The following NOMO1 variants were observed in gnomAD, a reference collection of about 807,000 sequenced individuals.
NOMO1 encodes the protein NODAL modulator 1, also known as nodal modulator 3.
Under a neutral mutation model 133.8 loss-of-function variants are expected in NOMO1, and 40 were observed. The ratio of observed to expected loss-of-function variants is 0.30; its 90% CI spans 0.23 to 0.39. NOMO1 has a LOEUF of 0.39. NOMO1 is among the 10% of genes least tolerant of loss of function. NOMO1 has a pLI of 1.00. For synonymous variants in NOMO1, 236 were observed against 570.5 expected, an observed-to-expected ratio of 0.41 and a Z score of 8.36; for missense variants, 462 against 1,419.9, an observed-to-expected ratio of 0.33 and a Z score of 10.84.
rs1410037200 is a variant in NOMO1 at position 14,895,897 on chromosome 16, T to C, written c.*252T>C. Reference sequence around the variant, plus strand: ...AACAGAATTTATTTTCTGAGTCAAATATAATTTATTATTATTTTTGTCAAA... The same window carrying C: ...AACAGAATTTATTTTCTGAGTCAAACATAATTTATTATTATTTTTGTCAAA... On this transcript the variant is annotated 3_prime_UTR_variant, in exon 31 of 31. Coordinates refer to ENST00000287667, the MANE Select transcript of NOMO1 (RefSeq NM_014287.4). 2.9e-5 allele frequency: 45 copies of C among 1,569,056 alleles called. No individual in the cohort carries two copies. Among genetic ancestry groups the C allele is most frequent in the Middle Eastern group, 4.6e-4 (2 of 4,310 alleles).
In NOMO1 at chr16:14,895,632, C is replaced by A. The variant is rs537491797; in HGVS notation, c.3656C>A (p.Thr1219Lys). The change falls in exon 31 of 31, where the codon ACA (threonine) becomes AAA (lysine). Residue 1219 changes from threonine to lysine, a missense_variant. Physicochemically the swap from Thr to Lys is moderately conservative, Grantham distance 78. Transcript: ENST00000287667. ...AAGAGACAAGCCAAGAAACAGAAGA[C>A]AAGGCGGACTTGAGGAGGAAGGGGA... ...DAKRQAKKQK[T>K]RRT 6.2e-7 allele frequency: 1 copy of A among 1,611,914 alleles called. No homozygotes were observed. Among genetic ancestry groups the A allele is most frequent in the African/African-American group, 1.3e-5 (1 of 74,828 alleles).
intron 15 of NOMO1, 122 bp downstream of exon 15, chr16:14,866,813 A>G: frequency 6.3e-7 from 1 of 1,599,318 alleles, no homozygotes; most frequent in Non-Finnish European, 8.5e-7. Flanking sequence ...CTGCCTCTCC[A>G]CTCGCCCACC....
At position 14,876,719 on chromosome 16, in the gene NOMO1, T is replaced by C; in HGVS notation, c.2572T>C (p.Tyr858His). The C allele has an allele frequency of 6.2e-7, 1 of 1,610,896 alleles. No individual in the cohort carries two copies. Among genetic ancestry groups the C allele is most frequent in the South Asian group, 1.1e-5 (1 of 90,932 alleles). ...CACGGTGACCTCACAGAAGGAGGGC[T>C]ATGTTCTGACTGCGGTGGAAGGAAC... ...EYTVTSQKEG[Y>H]VLTAVEGTIG... Residue 858 changes from tyrosine (Y) to histidine (H), a missense_variant, in exon 22 of 31, where the codon TAT (tyrosine) becomes CAT (histidine). Tyr to His is a moderately conservative substitution (Grantham distance 83). Coordinates refer to ENST00000287667, the MANE Select transcript of NOMO1 (RefSeq NM_014287.4).
rs201341141 is a variant in NOMO1 at position 14,857,599 on chromosome 16, G to A, written c.1164G>A (p.Thr388=). ...AGAAAGAGCACCTCTACTTTGAAAC[G>A]GTCACCATCAAAATTGCACCGAACA... is the stretch of plus-strand genomic sequence containing the variant. The part of the protein sequence containing the change: ...HAQKEHLYFE[T]VTIKIAPNTP... The change falls in exon 11 of 31, where the codon ACG becomes ACA. Residue 388 remains threonine (T), a synonymous_variant. Coordinates refer to ENST00000287667, the MANE Select transcript of NOMO1 (RefSeq NM_014287.4). The A allele has an allele frequency of 5.1e-4, 822 of 1,612,782 alleles. 4 individuals carry two copies. Among genetic ancestry groups the A allele is most frequent in the Non-Finnish European group, 6.6e-4 (783 of 1,179,688 alleles).
intron 17 of NOMO1, among the ~76,000 whole-genome samples, chr16:14,871,995 A>C (rs1158134886): frequency 6.6e-6 from 1 of 152,004 alleles, no homozygotes; most frequent in African/African-American, 2.4e-5. Flanking sequence ...CAAGTCTGCC[A>C]TTTTTGTATT....
chr16:14,894,031 GA>G (rs1964444081), intron 29 of NOMO1, among the ~76,000 whole-genome samples: 1 of 150,668 alleles, frequency 6.6e-6, no homozygotes, highest in African/African-American at 2.5e-5. Context: ...TCATTATTGG[GA>G]AGTTCTCCTT....
rs115621145 is a variant in NOMO1 at position 14,874,079 on chromosome 16, T to C, written c.2055-957T>C. On this transcript the variant is annotated intron_variant, in intron 18 of 30. Transcript: ENST00000287667. ...AGCTTCCCAGCTGGGCTTCGCTTCTTACCACGTGGCCCTCAGCCCTGGTCT... is the reference window on the plus strand; with the variant it reads ...AGCTTCCCAGCTGGGCTTCGCTTCTCACCACGTGGCCCTCAGCCCTGGTCT... 3.5e-3 allele frequency among the ~76,000 whole-genome samples: 149 copies of C among 42,408 alleles called. 2 individuals carry two copies. Among genetic ancestry groups the C allele is most frequent in the African/African-American group, 5.4e-3 (134 of 24,610 alleles). 27.8% of individuals were successfully genotyped at this position (42,408 alleles called of 152,430 possible). A position where few individuals can be genotyped will look rare whatever the true frequency, so the allele number is the denominator to read the frequency against.
intron 27 of NOMO1, among the ~76,000 whole-genome samples, chr16:14,885,716 A>G (rs1282421878): frequency 6.6e-6 from 1 of 151,708 alleles, no homozygotes; most frequent in African/African-American, 2.4e-5. Context: ...AGGGGAGGGG[A>G]AGAGGCAGAG....
chr16:14,889,054 G>A (rs377505109), intron 28 of NOMO1, 42 bp from the exon 29 acceptor site: 79 of 1,611,628 alleles, frequency 4.9e-5, no homozygotes, highest in Non-Finnish European at 6.7e-5. Flanking sequence ...TGCTTTGCCA[G>A]AGCTGTCCTT....
intron 28 of NOMO1, 143 bp downstream of exon 28, chr16:14,887,005 G>T (rs917595745): frequency 1.4e-5 from 14 of 974,928 alleles, no homozygotes; most frequent in Non-Finnish European, 2.0e-5. Flanking sequence ...GTTGGGTTCT[G>T]TAGGGATTAT....
chr16:14,867,913 C>T (rs1245123288), intron 15 of NOMO1, among the ~76,000 whole-genome samples: 1 of 117,696 alleles, frequency 8.5e-6, no homozygotes, highest in Non-Finnish European at 1.9e-5. Context: ...TTTTTTTTGA[C>T]ACTTCCTTAA....
intron 28 of NOMO1, chr16:14,888,614 C>G (rs552801802): frequency 7.7e-6 from 2 of 261,018 alleles, no homozygotes; most frequent in East Asian, 2.2e-4. Flanking sequence ...CTGGTCGGTG[C>G]TCAGCACACA....
At chr16:14,889,573 T>A (rs1964378216) in intron 29 of NOMO1, among the ~76,000 whole-genome samples, 1 of 151,650 alleles carries the variant, frequency 6.6e-6, no homozygotes, top group South Asian at 2.1e-4. Context: ...AAACAATCCA[T>A]GGGGTGGCGA....
intron 26 of NOMO1, among the ~76,000 whole-genome samples, 169 bp from the exon 27 acceptor site, chr16:14,884,203 T>C (rs1964287051): frequency 6.6e-6 from 1 of 152,002 alleles, no homozygotes; most frequent in African/African-American, 2.4e-5. Flanking sequence ...GGGATAGCCA[T>C]CTTCTGTCAG....
intron 20 of NOMO1, 50 bp downstream of exon 20, chr16:14,875,472 C>T (rs1204846059): frequency 4.3e-6 from 4 of 923,138 alleles, no homozygotes; most frequent in Admixed American, 5.1e-5. Flanking sequence ...TGCAGTTGTT[C>T]CCTTGCCTGC....
At chr16:14,838,946 G>A (rs966102915) in intron 2 of NOMO1, among the ~76,000 whole-genome samples, 1 of 151,598 alleles carries the variant, frequency 6.6e-6, no homozygotes, top group African/African-American at 2.4e-5. Flanking sequence ...GAAAAAGAAA[G>A]TCAAGGTCTT....
chr16:14,864,909 C>G (rs1963971198), intron 13 of NOMO1, 115 bp from the exon 14 acceptor site: 1 of 1,462,146 alleles, frequency 6.8e-7, no homozygotes, highest in Non-Finnish European at 9.5e-7. Context: ...TGCCTCCGGC[C>G]ACTGCCTCTT....
At chr16:14,892,629 G>C (rs1348393239) in intron 29 of NOMO1, among the ~76,000 whole-genome samples, 2 of 143,008 alleles carry the variant, frequency 1.4e-5, no homozygotes, top group Admixed American at 6.9e-5. Flanking sequence ...AAAAAAAAAA[G>C]CTATGCCTGC....
intron 6 of NOMO1, among the ~76,000 whole-genome samples, chr16:14,850,682 G>A (rs1341173698): frequency 6.6e-6 from 1 of 151,536 alleles, no homozygotes; most frequent in African/African-American, 2.4e-5. Flanking sequence ...TTACTCTGTA[G>A]GTTTTACGCA....
Sources: allele counts gnomAD v4.1 joint callset (sites outside exome capture counted in the v4.1 genomes callset), GRCh38; gene constraint gnomAD v4.1.1; transcripts MANE v1.5; gene names NCBI Gene and HGNC (gene_info 2026-07-23, HGNC 2026-07-21).